TRPM3: variants seen among roughly 807,000 people sequenced by gnomAD.
TRPM3 encodes the protein transient receptor potential cation channel subfamily M member 3.
In TRPM3, 77 loss-of-function variants were observed where a neutral mutation model predicts 181.2. That is an observed-to-expected ratio of 0.42 (90% CI 0.35 to 0.51). The LOEUF (loss-of-function observed/expected upper bound fraction) is 0.51, where lower values mean the gene tolerates loss of function less well. Among genes scored for constraint, TRPM3 ranks in the 20% least tolerant of loss-of-function variants. The pLI is 0.01. For synonymous variants in TRPM3, 745 were observed against 796.4 expected (o/e 0.94, Z 1.09); for missense variants, 1,759 against 2,196.7 (o/e 0.80, Z 3.98).
intron 1 of TRPM3, among the ~76,000 whole-genome samples, chr9:70,906,323 G>A (rs2096463773): frequency 6.6e-6 from 1 of 152,092 alleles, no homozygotes; most frequent in Admixed American, 6.5e-5. Flanking sequence ...AAATGGAAAT[G>A]ACATATAGGT....
intron 1 of TRPM3, among the ~76,000 whole-genome samples, chr9:70,933,978 G>A (rs1293138420): frequency 6.6e-6 from 1 of 152,106 alleles, no homozygotes; most frequent in Non-Finnish European, 1.5e-5. Context: ...GAAAGCTGAG[G>A]AAGTTACCAT....
chr9:70,760,588 T>G (rs1318498607), intron 8 of TRPM3: 1 of 151,758 alleles, frequency 6.6e-6, no homozygotes, highest in African/African-American at 2.4e-5. Context: ...ATCCCAAACC[T>G]GGAAGCTGCT....
At chr9:71,147,763 T>C (rs781167479) in intron 1 of TRPM3, among the ~76,000 whole-genome samples, 45 of 152,030 alleles carry the variant, frequency 3.0e-4, no homozygotes, top group Non-Finnish European at 4.9e-4. Context: ...TTCTCAGAAA[T>C]AGAAAATGCT....
chr9:71,278,267 T>C (rs981680259), intron 1 of TRPM3, among the ~76,000 whole-genome samples: 1 of 152,184 alleles, frequency 6.6e-6, no homozygotes, highest in Non-Finnish European at 1.5e-5. Context: ...CAACAACCTT[T>C]GTAGAGGTGA....
chr9:70,568,267 A>G (rs1215383025), intron 22 of TRPM3, among the ~76,000 whole-genome samples: 1 of 152,224 alleles, frequency 6.6e-6, no homozygotes, highest in Non-Finnish European at 1.5e-5. Context: ...CTGATATAAC[A>G]AATTTCAAGC....
intron 1 of TRPM3, among the ~76,000 whole-genome samples, chr9:71,227,108 C>CAAAA (rs368727383): frequency 1.1e-3 from 44 of 39,898 alleles, no homozygotes; most frequent in East Asian, 1.7e-3. Flanking sequence ...TACTTCATCT[C>CAAAA]AAAAAAAAAA....
At chr9:70,838,818 AC>A (rs1467009820) in intron 5 of TRPM3, among the ~76,000 whole-genome samples, 1 of 152,184 alleles carries the variant, frequency 6.6e-6, no homozygotes, top group Non-Finnish European at 1.5e-5. Flanking sequence ...CTTATTCCTC[AC>A]CAAAATCTGT....
At chr9:71,423,290 T>C (rs1379747196) in intron 1 of TRPM3, among the ~76,000 whole-genome samples, 1 of 152,138 alleles carries the variant, frequency 6.6e-6, no homozygotes, top group Admixed American at 6.6e-5. Context: ...ATTCCTTAAA[T>C]AATTGTTTTT....
At chr9:70,905,961 A>G (rs1044476125) in intron 1 of TRPM3, among the ~76,000 whole-genome samples, 1 of 152,096 alleles carries the variant, frequency 6.6e-6, no homozygotes, top group Non-Finnish European at 1.5e-5. Context: ...CTGGCCTGCA[A>G]TCCTCCTGCC....
At chr9:71,349,677 C>CA (rs1440180836) in intron 1 of TRPM3, among the ~76,000 whole-genome samples, 3 of 152,140 alleles carry the variant, frequency 2.0e-5, no homozygotes, top group African/African-American at 7.2e-5. Flanking sequence ...AACAATCATT[C>CA]AAATGTCTTT....
At chr9:71,425,162 T>C (rs1011538691) in intron 1 of TRPM3, among the ~76,000 whole-genome samples, 4 of 152,122 alleles carry the variant, frequency 2.6e-5, no homozygotes, top group Non-Finnish European at 4.4e-5. Flanking sequence ...CACAAGGCTC[T>C]TTCCTAGACC....
chr9:71,104,476 A>T (rs373337671), intron 1 of TRPM3, among the ~76,000 whole-genome samples: 5 of 152,274 alleles, frequency 3.3e-5, no homozygotes, highest in African/African-American at 1.2e-4. Flanking sequence ...GCATTAACTT[A>T]TTTCACCACA....
intron 20 of TRPM3, among the ~76,000 whole-genome samples, chr9:70,600,017 C>A (rs1255250406): frequency 6.6e-6 from 1 of 152,192 alleles, no homozygotes; most frequent in Admixed American, 6.5e-5. Flanking sequence ...GTTGTGTAGG[C>A]ACTAACAGCA....
intron 1 of TRPM3, among the ~76,000 whole-genome samples, chr9:71,373,551 G>A (rs998521703): frequency 3.9e-5 from 6 of 151,934 alleles, no homozygotes; most frequent in African/African-American, 7.3e-5. Flanking sequence ...ATTCCTAGAC[G>A]CATACACCCT....
At chr9:70,902,821 A>C (rs562590415) in intron 1 of TRPM3, among the ~76,000 whole-genome samples, 20 of 152,216 alleles carry the variant, frequency 1.3e-4, no homozygotes, top group African/African-American at 4.8e-4. Context: ...GGAAAGAGAA[A>C]GTTGTTGGCT....
At chr9:71,304,687 G>A (rs899587684) in intron 1 of TRPM3, among the ~76,000 whole-genome samples, 1 of 152,158 alleles carries the variant, frequency 6.6e-6, no homozygotes, top group South Asian at 2.1e-4. Flanking sequence ...AATTGTATCT[G>A]CAAAAGTTAT....
At chr9:70,935,601 T>G (rs748421897) in intron 1 of TRPM3, among the ~76,000 whole-genome samples, 2 of 152,184 alleles carry the variant, frequency 1.3e-5, no homozygotes, top group Non-Finnish European at 1.5e-5. Flanking sequence ...GGTATCTACC[T>G]TGCTCTCTTT....
intron 1 of TRPM3, among the ~76,000 whole-genome samples, chr9:71,407,898 CATTTGCTGTTCTGCAGT>C (rs998901631): frequency 6.6e-6 from 1 of 152,202 alleles, no homozygotes; most frequent in African/African-American, 2.4e-5. Context: ...CAGGCAGCAA[CATTTGCTGTTCTGCAGT>C]ATTTGCTGTT....
intron 6 of TRPM3, among the ~76,000 whole-genome samples, chr9:70,787,763 C>CTTTTTTTTTTTTTTTTTTTTTCTTTTTTT (rs2084071076): frequency 1.5e-5 from 1 of 68,558 alleles, no homozygotes; most frequent in Non-Finnish European, 2.6e-5. Context: ...TTTTTGGATT[C>CTTTTTTTTTTTTTTTTTTTTTCTTTTTTT]TTTTTTTTTT....
Sources: gnomAD v4.1 joint callset for allele counts (sites outside exome capture counted in the v4.1 genomes callset) on GRCh38, gnomAD v4.1.1 for gene constraint, MANE v1.5 for transcripts, NCBI Gene and HGNC (gene_info 2026-07-23, HGNC 2026-07-21) for gene names.